The following CCDC15 variants were observed in gnomAD, a reference collection of about 807,000 sequenced individuals.
CCDC15 encodes coiled-coil domain-containing protein 15.
In CCDC15, 105 loss-of-function variants were observed where a neutral mutation model predicts 114.5. The ratio of observed to expected loss-of-function variants is 0.92; its 90% CI spans 0.78 to 1.08. The LOEUF (loss-of-function observed/expected upper bound fraction) is 1.08. Among genes scored for constraint, CCDC15 ranks in the 50% least tolerant of loss-of-function variants. The pLI, the probability that CCDC15 is intolerant of heterozygous loss-of-function variation, is 0.00. For synonymous variants in CCDC15, 334 were observed against 377.8 expected, an observed-to-expected ratio of 0.88 and a Z score of 1.34; for missense variants, 1,105 against 1,093.6, an observed-to-expected ratio of 1.01 and a Z score of -0.15.
chr11:125,013,257 C>CA (rs1591608642), intron 13 of CCDC15, among the ~76,000 whole-genome samples: 1 of 152,184 alleles, frequency 6.6e-6, no homozygotes, highest in South Asian at 2.1e-4. Flanking sequence ...TGAAGTTTGC[C>CA]AGATGGTCAA....
chr11:124,974,568 G>A (rs762262278), intron 4 of CCDC15, among the ~76,000 whole-genome samples: 2 of 152,160 alleles, frequency 1.3e-5, no homozygotes, highest in Non-Finnish European at 2.9e-5. Context: ...GAGGAAGGGA[G>A]ATTCAAGAAA....
intron 13 of CCDC15, among the ~76,000 whole-genome samples, chr11:125,011,247 TA>T (rs960172562): frequency 8.8e-5 from 13 of 147,856 alleles, no homozygotes; most frequent in East Asian, 7.8e-4. Flanking sequence ...TTATTATTAT[TA>T]TTTTTTAAGA....
chr11:124,954,658 T>C (rs1483639203), intron 1 of CCDC15, 66 bp from the exon 2 acceptor site: 1 of 1,425,958 alleles, frequency 7.0e-7, no homozygotes, highest in East Asian at 2.3e-5. Flanking sequence ...GTGGCTCATG[T>C]GTTAGGAGGT....
At position 124,993,299 on chromosome 11, in the gene CCDC15, A is replaced by G. The variant is rs1316504301; in HGVS notation, c.2214+56A>G. ...CTCTTCTAGAGAAGTAGAGCAGAAT[A>G]TAGTGAGTAAGTAACAGAGTGTAAA... On this transcript the variant is annotated intron_variant, in intron 11 of 15. Transcript: ENST00000344762. The G allele has an allele frequency of 4.3e-6, 5 of 1,154,976 alleles. No individual in the cohort carries two copies. In the Admixed American group the frequency reaches 7.7e-5, roughly 18 times the overall value. The allele number at this position is 1,154,976 out of a possible 1,614,324, so 71.5% of individuals were successfully genotyped here. A position where few individuals can be genotyped will look rare whatever the true frequency, so the allele number is the denominator to read the frequency against.
Position 125,003,851 on chromosome 11 carries a change from T to A in CCDC15, c.2215-16T>A, listed in dbSNP as rs750318694. The A allele has an allele frequency of 4.3e-5, 64 of 1,472,578 alleles. No individual in the cohort carries two copies. The highest frequency in any genetic ancestry group is 5.6e-5 in the Non-Finnish European group (61 of 1,093,912). 91.2% of individuals were successfully genotyped at this position (1,472,578 alleles called of 1,614,324 possible). ...TGGTAATTTTGTCACTTTGTGTGAC[T>A]GGACCTTCTTAACAGGCTTATGATA... On this transcript the variant is annotated splice_polypyrimidine_tract_variant and intron_variant, in intron 11 of 15. Coordinates refer to ENST00000344762, the MANE Select transcript of CCDC15 (RefSeq NM_025004.3).
chr11:124,986,438 C>T (rs561628147), intron 6 of CCDC15, among the ~76,000 whole-genome samples: 29 of 152,200 alleles, frequency 1.9e-4, no homozygotes, highest in African/African-American at 7.0e-4. Context: ...GAAATATTAC[C>T]ATCTTACCAA....
At chr11:124,999,933 C>T (rs1325848396) in intron 11 of CCDC15, among the ~76,000 whole-genome samples, 2 of 135,438 alleles carry the variant, frequency 1.5e-5, no homozygotes, top group Non-Finnish European at 3.0e-5. Context: ...GTGATCTTGG[C>T]TCACTGCAAC....
intron 13 of CCDC15, among the ~76,000 whole-genome samples, chr11:125,036,858 A>G (rs1212450327): frequency 1.3e-5 from 2 of 152,154 alleles, no homozygotes; most frequent in African/African-American, 4.8e-5. Flanking sequence ...TTTATCTGAT[A>G]GGATTCTGAA....
intron 15 of CCDC15, 190 bp downstream of exon 15, chr11:125,039,259 T>C (rs1565386085): frequency 2.2e-6 from 1 of 454,068 alleles, no homozygotes; most frequent in South Asian, 7.4e-5. Flanking sequence ...AGATCTGTTA[T>C]CTTCTTGTCT....
intron 13 of CCDC15, among the ~76,000 whole-genome samples, chr11:125,025,691 AAATT>A (rs1306459877): frequency 2.8e-4 from 43 of 152,186 alleles, no homozygotes; most frequent in African/African-American, 9.6e-4. Context: ...CTAAGTTGTC[AAATT>A]AATTGACATA....
At chr11:124,994,231 C>G (rs1168236040) in intron 11 of CCDC15, among the ~76,000 whole-genome samples, 1 of 152,156 alleles carries the variant, frequency 6.6e-6, no homozygotes, top group African/African-American at 2.4e-5. Flanking sequence ...GCCATTAGCA[C>G]CTTTCACCCA....
intron 13 of CCDC15, among the ~76,000 whole-genome samples, chr11:125,023,663 G>A (rs192486320): frequency 1.5e-3 from 232 of 152,108 alleles, no homozygotes; most frequent in Middle Eastern, 0.01. Context: ...TGAGTATGTG[G>A]AGAAATTAGA....
intron 2 of CCDC15, among the ~76,000 whole-genome samples, chr11:124,956,178 G>T (rs1393690349): frequency 6.6e-6 from 1 of 152,158 alleles, no homozygotes; most frequent in Non-Finnish European, 1.5e-5. Flanking sequence ...TGAATGTCAT[G>T]ATCAACCAGT....
intron 10 of CCDC15, 59 bp downstream of exon 10, chr11:124,992,746 C>T: frequency 1.1e-6 from 1 of 936,600 alleles, no homozygotes. Flanking sequence ...AAGCCTAAAT[C>T]ATATTAACAT....
At chr11:124,960,938 C>T (rs1188753893) in intron 4 of CCDC15, among the ~76,000 whole-genome samples, 4 of 152,196 alleles carry the variant, frequency 2.6e-5, no homozygotes, top group Non-Finnish European at 5.9e-5. Context: ...TACTGCTTAA[C>T]ATACTTGGTC....
intron 6 of CCDC15, among the ~76,000 whole-genome samples, chr11:124,986,336 C>A (rs1400132736): frequency 1.3e-5 from 2 of 152,124 alleles, no homozygotes; most frequent in Non-Finnish European, 2.9e-5. Flanking sequence ...CTATGGGTTC[C>A]TTGCATTTCC....
At chr11:125,013,470 G>A (rs1301808901) in intron 13 of CCDC15, among the ~76,000 whole-genome samples, 2 of 152,086 alleles carry the variant, frequency 1.3e-5, no homozygotes, top group African/African-American at 2.4e-5. Context: ...GAAAACTAAG[G>A]CAGAGTCCAG....
intron 11 of CCDC15, among the ~76,000 whole-genome samples, chr11:124,994,096 C>T (rs1408504471): frequency 1.3e-5 from 2 of 152,162 alleles, no homozygotes; most frequent in South Asian, 2.1e-4. Context: ...ACAGTATTAT[C>T]ACTACTGTGA....
At chr11:125,010,214 C>T (rs1379254808) in intron 13 of CCDC15, among the ~76,000 whole-genome samples, 3 of 151,976 alleles carry the variant, frequency 2.0e-5, no homozygotes, top group African/African-American at 4.8e-5. Flanking sequence ...TGTTTTGACT[C>T]GTGTTAGATA....
Sources: allele counts gnomAD v4.1 joint callset (sites outside exome capture counted in the v4.1 genomes callset), GRCh38; gene constraint gnomAD v4.1.1; transcripts MANE v1.5; gene names NCBI Gene and HGNC (gene_info 2026-07-23, HGNC 2026-07-21).